The following MYO7B variants were observed in gnomAD, a reference collection of about 807,000 sequenced individuals.
MYO7B encodes unconventional myosin-VIIb.
In MYO7B, 212 loss-of-function variants were observed where a neutral mutation model predicts 259.7. The observed-to-expected ratio is 0.82, with a 90% CI of 0.73 to 0.91. The LOEUF (loss-of-function observed/expected upper bound fraction) is 0.91, where lower values mean the gene tolerates loss of function less well. Among genes scored for constraint, MYO7B ranks in the 40% least tolerant of loss-of-function variants. The pLI, the probability that MYO7B is intolerant of heterozygous loss-of-function variation, is 0.00. For synonymous variants in MYO7B, 1,197 were observed against 1,166.4 expected, an observed-to-expected ratio of 1.03 and a Z score of -0.54; for missense variants, 2,732 against 2,813.5, an observed-to-expected ratio of 0.97 and a Z score of 0.66.
Position 127,636,213 on chromosome 2 carries a change from C to A in MYO7B, c.6012C>A (p.Ile2004=), listed in dbSNP as rs144540323. 4 of 1,611,494 alleles carry A rather than the reference C, an allele frequency of 2.5e-6. No individual in the cohort carries two copies. The East Asian group carries it at 6.7e-5, about 27-fold the overall frequency. The change falls in exon 45 of 48, where the codon ATC becomes ATA. Residue 2004 remains isoleucine, a synonymous_variant. Coordinates refer to ENST00000409816, the MANE Select transcript of MYO7B (RefSeq NM_001393586.1). The surrounding 1 kb of genome is among the most constrained non-coding windows in gnomAD (Gnocchi z 4.5). ...LMSSEEWKKS[I]LLAYDKHKDK... is the part of the protein sequence containing the mutation. ...CTGGCCCTCCTGTCCCCCAGAGCAT[C>A]CTTCTAGCCTATGACAAGCATAAGG...
chr2:127,588,933 GTGAA>G (rs1679418937), intron 15 of MYO7B, among the ~76,000 whole-genome samples: 2 of 148,424 alleles, frequency 1.3e-5, no homozygotes, highest in Non-Finnish European at 1.5e-5. Flanking sequence ...GGATGGACGG[GTGAA>G]TGGGTGGTTG....
intron 26 of MYO7B, 172 bp from the exon 27 acceptor site, chr2:127,620,168 G>A: frequency 1.5e-6 from 1 of 663,480 alleles, no homozygotes; most frequent in Non-Finnish European, 2.5e-6. Flanking sequence ...GGGATGCAGA[G>A]CCTGGTGGCA....
intron 11 of MYO7B, 29 bp downstream of exon 11, chr2:127,582,039 T>C (rs938606614): frequency 1.2e-6 from 2 of 1,612,770 alleles, no homozygotes; most frequent in African/African-American, 1.3e-5. Context: ...AGGGCTTACA[T>C]GGCCATCTGT....
intron 4 of MYO7B, 106 bp downstream of exon 4, chr2:127,565,491 C>A: frequency 6.9e-7 from 1 of 1,444,512 alleles, no homozygotes; most frequent in Non-Finnish European, 9.4e-7. Flanking sequence ...CCCATGCCCT[C>A]ACTGAGGGAG....
chr2:127,557,014 G>A (rs1305940700), intron 1 of MYO7B, among the ~76,000 whole-genome samples: 1 of 152,154 alleles, frequency 6.6e-6, no homozygotes, highest in East Asian at 1.9e-4. Flanking sequence ...CCTCAGGAAT[G>A]CAAATTATTC....
At chr2:127,544,481 T>C (rs1467118729) in intron 1 of MYO7B, among the ~76,000 whole-genome samples, 1 of 152,128 alleles carries the variant, frequency 6.6e-6, no homozygotes, top group Non-Finnish European at 1.5e-5. Flanking sequence ...CGATCTTGGC[T>C]TGCTGCAACC....
rs1375843571 is a variant in MYO7B, at chr2:127,623,193, T to G, written c.3646-9T>G. On this transcript the variant is annotated splice_polypyrimidine_tract_variant and intron_variant, in intron 28 of 47. Coordinates refer to ENST00000409816, the MANE Select transcript of MYO7B (RefSeq NM_001393586.1). ...AGAGGCCAGGGAACTGAATCTCATC[T>G]GTCCCCAGGCTGTCAAGTCCAAGAA... The G allele has an allele frequency of 1.2e-6, 2 of 1,613,288 alleles. No homozygotes were observed. Among genetic ancestry groups the G allele is most frequent in the Non-Finnish European group, 1.7e-6 (2 of 1,179,704 alleles).
At chr2:127,632,893 TCA>T (rs1681596945) in intron 39 of MYO7B, among the ~76,000 whole-genome samples, 1 of 152,168 alleles carries the variant, frequency 6.6e-6, no homozygotes, top group African/African-American at 2.4e-5. Context: ...GCAGCCGTGG[TCA>T]CAGAGAGAGG....
Position 127,607,863 on chromosome 2 carries a change from G to A in MYO7B, c.2643+439G>A, listed in dbSNP as rs1680218852. ...TGGAGATGATTTCTGGGGCAGGGAT[G>A]GTTGGTCCCCTGGAAGGTGCAGCAA... On this transcript the variant is annotated intron_variant, in intron 21 of 47. Transcript: ENST00000409816. The surrounding 1 kb of genome is among the most constrained non-coding windows in gnomAD (Gnocchi z 4.4). Among the ~76,000 whole-genome samples the A allele has an allele frequency of 6.6e-6, 1 of 152,188 alleles. No homozygotes were observed. The highest frequency in any genetic ancestry group is 2.4e-5 in the African/African-American group (1 of 41,436).
chr2:127,556,196 G>C (rs1162829055), intron 1 of MYO7B, among the ~76,000 whole-genome samples: 1 of 152,034 alleles, frequency 6.6e-6, no homozygotes, highest in Non-Finnish European at 1.5e-5. Flanking sequence ...AGCTTGTTTT[G>C]TCTGATATAA....
Position 127,614,952 on chromosome 2 carries a change from C to G in MYO7B, c.3398+2349C>G, listed in dbSNP as rs1460696668. On this transcript the variant is annotated intron_variant, in intron 26 of 47. Coordinates refer to ENST00000409816, the MANE Select transcript of MYO7B (RefSeq NM_001393586.1). The surrounding 1 kb of genome is among the most constrained non-coding windows in gnomAD (Gnocchi z 4.6). ...CCCAGACAAAGCAGATGCCCTGTTC[C>G]ACATCTGTCACACATTCCACACACA... is the stretch of plus-strand genomic sequence containing the variant. 6.6e-6 allele frequency among the ~76,000 whole-genome samples: 1 copy of G among 152,194 alleles called. No homozygotes were observed. The highest frequency in any genetic ancestry group is 1.5e-5 in the Non-Finnish European group (1 of 68,034).
intron 19 of MYO7B, among the ~76,000 whole-genome samples, chr2:127,605,019 C>T (rs1680111916): frequency 6.6e-6 from 1 of 152,212 alleles, no homozygotes; most frequent in Non-Finnish European, 1.5e-5. Flanking sequence ...CACACGGCTA[C>T]CACAGACCTT....
At chr2:127,540,570 T>C (rs1692966792) in intron 1 of MYO7B, among the ~76,000 whole-genome samples, 1 of 152,234 alleles carries the variant, frequency 6.6e-6, no homozygotes, top group African/African-American at 2.4e-5. Context: ...GTGGTTGTGC[T>C]AGTCTACATT....
chr2:127,587,313 AC>A (rs1679342505), intron 14 of MYO7B, among the ~76,000 whole-genome samples: 1 of 152,200 alleles, frequency 6.6e-6, no homozygotes, highest in South Asian at 2.1e-4. Context: ...GGATCTTCTC[AC>A]CCGCTGGAGC....
At chr2:127,620,002 C>T (rs768341973) in intron 26 of MYO7B, 6 of 182,516 alleles carry the variant, frequency 3.3e-5, no homozygotes, top group African/African-American at 7.0e-5. Context: ...CTGTAATCAC[C>T]GTGAGACTGG....
chr2:127,543,207 G>A (rs1453155626), intron 1 of MYO7B, among the ~76,000 whole-genome samples: 1 of 152,170 alleles, frequency 6.6e-6, no homozygotes. Flanking sequence ...AGAAATCTTG[G>A]ATAGTACCTG....
intron 24 of MYO7B, among the ~76,000 whole-genome samples, chr2:127,610,808 A>G (rs955454718): frequency 5.3e-5 from 8 of 152,206 alleles, no homozygotes; most frequent in African/African-American, 1.9e-4. Flanking sequence ...CAGCCCCATC[A>G]CATGGCCAAC....
chr2:127,563,727 T>C (rs1678202197), intron 2 of MYO7B, among the ~76,000 whole-genome samples: 1 of 152,226 alleles, frequency 6.6e-6, no homozygotes, highest in Admixed American at 6.5e-5. Context: ...CTTCTAGTGC[T>C]CGTTTCTGTT....
chr2:127,559,648 T>A lies in MYO7B; in HGVS notation c.-23-52T>A. ...AGCCCAGCTCCTGTGCTCCAGGGGC[T>A]CCTATTGGGGCTGTGTATGGAGCTG... On this transcript the variant is annotated intron_variant, in intron 1 of 47. Transcript: ENST00000409816. This position sits in a 1 kb window ranked among gnomAD's most constrained non-coding sequence, Gnocchi z 4.1. 6.4e-7 allele frequency: 1 copy of A among 1,563,392 alleles called. No individual in the cohort carries two copies. Among genetic ancestry groups the A allele is most frequent in the Non-Finnish European group, 8.8e-7 (1 of 1,134,148 alleles).
Sources: gnomAD v4.1 joint callset for allele counts (sites outside exome capture counted in the v4.1 genomes callset) on GRCh38, gnomAD v4.1.1 for gene constraint, Gnocchi (gnomAD v3.1) non-coding constraint, MANE v1.5 for transcripts, NCBI Gene and HGNC (gene_info 2026-07-23, HGNC 2026-07-21) for gene names.